ZC3H12B: variants seen among roughly 807,000 people sequenced by gnomAD.
The protein encoded by ZC3H12B is probable ribonuclease ZC3H12B.
A neutral mutation model predicts 43.9 loss-of-function variants in ZC3H12B; 7 were observed. That is an observed-to-expected ratio of 0.16 (90% CI 0.09 to 0.30). ZC3H12B has a LOEUF of 0.30. Among genes scored for constraint, ZC3H12B ranks in the 10% least tolerant of loss-of-function variants. The pLI is 1.00. For missense variants in ZC3H12B, 475 were observed against 670.2 expected (o/e 0.71, Z 3.22); for synonymous variants, 222 against 241.7 (o/e 0.92, Z 0.76).
At chrX:65,320,203 C>T in the ZC3H12B span, among the ~76,000 whole-genome samples, 1 of 111,745 alleles carries the variant, frequency 8.9e-6, no homozygotes, top group Non-Finnish European at 1.9e-5. Context: ...AGAAAAGTCT[C>T]AGGATACAAA....
the ZC3H12B span, among the ~76,000 whole-genome samples, chrX:65,114,916 A>ATTTTTTT: frequency 4.7e-4 from 9 of 19,318 alleles, 1 homozygote; most frequent in African/African-American, 1.9e-3. Context: ...GTGTCTCAGG[A>ATTTTTTT]TTTTTTTTTT....
the ZC3H12B span, among the ~76,000 whole-genome samples, chrX:65,070,150 C>CT: frequency 9.3e-6 from 1 of 107,928 alleles, no homozygotes; most frequent in Non-Finnish European, 1.9e-5. Flanking sequence ...GATTCAATGT[C>CT]TTTTTTATTT....
chrX:65,118,457 T>A, the ZC3H12B span, among the ~76,000 whole-genome samples: 1 of 111,239 alleles, frequency 9.0e-6, no homozygotes, highest in African/African-American at 3.3e-5. Flanking sequence ...TTAAGGAGAT[T>A]TTGGGCTGAG....
At chrX:65,179,844 T>A in the ZC3H12B span, among the ~76,000 whole-genome samples, 2 of 111,836 alleles carry the variant, frequency 1.8e-5, no homozygotes, top group Non-Finnish European at 3.8e-5. Flanking sequence ...AATAACAATT[T>A]CTGAAATTGA....
the ZC3H12B span, among the ~76,000 whole-genome samples, chrX:65,174,931 AAAAC>A: frequency 6.4e-5 from 7 of 109,610 alleles, no homozygotes; most frequent in Admixed American, 2.9e-4. Context: ...AAAAAAACAA[AAAAC>A]AAACAAAAAA....
chrX:65,375,461 A>G (rs2066333408), intron 2 of ZC3H12B, among the ~76,000 whole-genome samples: 2 of 112,451 alleles, frequency 1.8e-5, no homozygotes, highest in Admixed American at 1.9e-4. Flanking sequence ...CACCAGCCAT[A>G]GTGGCTAAGG....
At chrX:65,180,249 A>C in the ZC3H12B span, among the ~76,000 whole-genome samples, 1 of 112,176 alleles carries the variant, frequency 8.9e-6, no homozygotes, top group East Asian at 2.8e-4. Context: ...ACCAATGACA[A>C]AAACCACATA....
upstream of ZC3H12B, among the ~76,000 whole-genome samples, chrX:65,487,338 C>G (rs886085717): frequency 8.9e-6 from 1 of 112,075 alleles, no homozygotes; most frequent in Non-Finnish European, 1.9e-5. Context: ...GTAAGGAGTT[C>G]GAGACCAGCC....
At chrX:65,119,903 A>G in the ZC3H12B span, among the ~76,000 whole-genome samples, 1 of 112,046 alleles carries the variant, frequency 8.9e-6, no homozygotes, top group Non-Finnish European at 1.9e-5. Flanking sequence ...TTAAATAGGG[A>G]ACCCTTTCCC....
chrX:65,440,534 T>A (rs2067288316), intron 3 of ZC3H12B, among the ~76,000 whole-genome samples: 1 of 112,570 alleles, frequency 8.9e-6, no homozygotes, highest in Non-Finnish European at 1.9e-5. Flanking sequence ...GCTTTACCAT[T>A]ACTAGACCCA....
intron 2 of ZC3H12B, among the ~76,000 whole-genome samples, chrX:65,380,575 T>C (rs1464760129): frequency 1.8e-5 from 2 of 110,961 alleles, no homozygotes; most frequent in Non-Finnish European, 3.8e-5. Context: ...CCAGGTAACA[T>C]CATAATGACA....
intron 3 of ZC3H12B, among the ~76,000 whole-genome samples, chrX:65,462,935 C>T (rs753542560): frequency 8.9e-5 from 10 of 112,055 alleles, no homozygotes; most frequent in East Asian, 2.8e-4. Context: ...ACTACACAGC[C>T]GTAAAAATGA....
chrX:65,061,088 T>G, the ZC3H12B span, among the ~76,000 whole-genome samples: 1 of 112,158 alleles, frequency 8.9e-6, no homozygotes, highest in East Asian at 2.8e-4. Context: ...ATCCTTTGAA[T>G]TTTTGCAATA....
intron 3 of ZC3H12B, chrX:65,408,793 C>T: frequency 2.3e-6 from 1 of 435,599 alleles, no homozygotes; most frequent in Non-Finnish European, 3.9e-6. Context: ...TGTCTCAAAG[C>T]TTTCCACTGA....
the ZC3H12B span, among the ~76,000 whole-genome samples, chrX:65,119,798 T>C: frequency 1.8e-5 from 2 of 112,158 alleles, no homozygotes; most frequent in African/African-American, 6.5e-5. Flanking sequence ...TTTAAGTCTT[T>C]AATCCATCCT....
the ZC3H12B span, among the ~76,000 whole-genome samples, chrX:65,180,003 A>G: frequency 8.9e-6 from 1 of 111,985 alleles, no homozygotes; most frequent in Non-Finnish European, 1.9e-5. Context: ...AACTTATTTT[A>G]TGAGGCCGGC....
At chrX:65,349,045 A>G in the ZC3H12B span, among the ~76,000 whole-genome samples, 2 of 111,749 alleles carry the variant, frequency 1.8e-5, no homozygotes, top group Non-Finnish European at 3.8e-5. Flanking sequence ...AGAACTCTCC[A>G]CCCCAAATCA....
chrX:65,171,973 C>T, the ZC3H12B span, among the ~76,000 whole-genome samples: 2 of 112,332 alleles, frequency 1.8e-5, no homozygotes, highest in Admixed American at 9.4e-5. Context: ...GGGAATTCCC[C>T]GACCCCTTGC....
At chrX:65,153,140 A>T in the ZC3H12B span, among the ~76,000 whole-genome samples, 1 of 112,165 alleles carries the variant, frequency 8.9e-6, no homozygotes, top group African/African-American at 3.2e-5. Context: ...CTAGAAGAAA[A>T]CTTAGGCATT....
Sources: allele counts gnomAD v4.1 joint callset (sites outside exome capture counted in the v4.1 genomes callset), GRCh38; gene constraint gnomAD v4.1.1; transcripts MANE v1.5; gene names NCBI Gene and HGNC (gene_info 2026-07-23, HGNC 2026-07-21).